The following PRSS1 variants were observed in gnomAD, a reference collection of about 807,000 sequenced individuals.
PRSS1 encodes the protein serine protease 1, also known as TCR V beta 4.1.
PRSS1 carries 22 observed loss-of-function variants against 24.2 expected under a neutral mutation model. The observed-to-expected ratio is 0.91, with a 90% CI of 0.65 to 1.30. PRSS1 has a LOEUF of 1.30. PRSS1 is among the 50% of genes most tolerant of loss of function. PRSS1 has a pLI of 0.00. For missense variants in PRSS1, 366 were observed against 304.2 expected (o/e 1.20, Z -1.51); for synonymous variants, 126 against 116.1 (o/e 1.08, Z -0.55).
In PRSS1 at chr7:142,750,978, A is replaced by G. The variant is rs377669553; in HGVS notation, c.200+264A>G. On this transcript the variant is annotated intron_variant, in intron 2 of 4. Coordinates refer to ENST00000311737, the MANE Select transcript of PRSS1 (RefSeq NM_002769.5). The stretch of plus-strand genomic sequence containing the variant: ...TTGGGGTGGTGAGAGCTAGTGAGAA[A>G]AGCAGGCAAGTATCTTTTGCTGGTT... 13 of 718,412 alleles carry G rather than the reference A, an allele frequency of 1.8e-5. No homozygotes were observed. In the East Asian group the frequency reaches 2.4e-4, roughly 13 times the overall value. 44.5% of individuals were successfully genotyped at this position (718,412 alleles called of 1,614,324 possible). A position where few individuals can be genotyped will look rare whatever the true frequency, so the allele number is the denominator to read the frequency against.
Position 142,752,063 on chromosome 7 carries a change from T to C in PRSS1, c.454+36T>C, listed in dbSNP as rs761438114. Reference sequence around the variant, plus strand: ...CCCTTAGTCCTTCTACTTCCCTCCATCCTCACAATTTCCAGAACAAACCAT... The same window carrying C: ...CCCTTAGTCCTTCTACTTCCCTCCACCCTCACAATTTCCAGAACAAACCAT... On this transcript the variant is annotated intron_variant, in intron 3 of 4. Coordinates refer to ENST00000311737, the MANE Select transcript of PRSS1 (RefSeq NM_002769.5). The C allele has an allele frequency of 4.5e-5, 73 of 1,613,612 alleles. No individual in the cohort carries two copies. In the East Asian group the frequency reaches 1.0e-3, roughly 23 times the overall value.
chr7:142,751,657 C>A lies in PRSS1; in HGVS notation c.201-117C>A. ...GCTGCCCATGCGATATGGCCACACA[C>A]CCCACCCCATGCCTCCAGAGCTGTC... On this transcript the variant is annotated intron_variant, in intron 2 of 4. Coordinates refer to ENST00000311737, the MANE Select transcript of PRSS1 (RefSeq NM_002769.5). 14 of 1,594,304 alleles carry A rather than the reference C, an allele frequency of 8.8e-6. No homozygotes were observed. The South Asian group carries it at 1.6e-4, about 18-fold the overall frequency.
rs1798831781 is a variant in PRSS1 at position 142,752,511 on chromosome 7, ATTACCAGCAACATGTTCTGTG to A, written c.537_557del (p.Ile179_Val186delinsMet). On this transcript the variant is annotated inframe_deletion, in exon 4 of 5. Coordinates refer to ENST00000311737, the MANE Select transcript of PRSS1 (RefSeq NM_002769.5). The stretch of plus-strand genomic sequence containing the variant: ...GTGTGAAGCCTCCTACCCTGGAAAG[ATTACCAGCAACATGTTCTGTG>A]TGGGCTTCCTTGAGGGAGGCAAGGA... The A allele has an allele frequency of 6.2e-7, 1 of 1,614,082 alleles. No individual in the cohort carries two copies. Among genetic ancestry groups the A allele is most frequent in the Admixed American group, 1.7e-5 (1 of 60,006 alleles).
chr7:142,752,756 G>T, intron 4 of PRSS1, 112 bp from the exon 5 acceptor site: 1 of 1,505,830 alleles, frequency 6.6e-7, no homozygotes, highest in African/African-American at 1.4e-5. Context: ...GCCACCATGA[G>T]AAGGACATGG....
At position 142,752,919 on chromosome 7, in the gene PRSS1, T is replaced by C. The variant is rs1366495669; in HGVS notation, c.643T>C (p.Ser215Pro). The change falls in exon 5 of 5, where the codon TCC becomes CCC. Residue 215 changes from serine to proline, a missense_variant. Coordinates refer to ENST00000311737, the MANE Select transcript of PRSS1 (RefSeq NM_002769.5). Reference sequence around the variant, plus strand: ...CAATGGACAGCTCCAAGGAGTTGTCTCCTGGGGTGATGGCTGTGCCCAGAA... The same window carrying C: ...CAATGGACAGCTCCAAGGAGTTGTCCCCTGGGGTGATGGCTGTGCCCAGAA... ...VCNGQLQGVV[S>P]WGDGCAQKNK... 1.9e-6 allele frequency: 3 copies of C among 1,613,984 alleles called. No individual in the cohort carries two copies. The highest frequency in any genetic ancestry group is 2.2e-5 in the East Asian group (1 of 44,888).
chr7:142,750,634 C>T lies in PRSS1; in HGVS notation c.120C>T (p.Ser40=). The stretch of plus-strand genomic sequence containing the variant: ...AGAATTCTGTCCCCTACCAGGTGTC[C>T]CTGAATTCTGGCTACCACTTCTGTG... The part of the protein sequence containing the change: ...CEENSVPYQV[S]LNSGYHFCGG... Residue 40 remains serine (S), a synonymous_variant, in exon 2 of 5, where the codon TCC becomes TCT. Transcript: ENST00000311737. 1.9e-6 allele frequency: 3 copies of T among 1,614,020 alleles called. No individual in the cohort carries two copies. The highest frequency in any genetic ancestry group is 8.5e-7 in the Non-Finnish European group (1 of 1,179,870).
intron 3 of PRSS1, 43 bp from the exon 4 acceptor site, chr7:142,752,388 A>G: frequency 6.2e-7 from 1 of 1,608,592 alleles, no homozygotes; most frequent in Non-Finnish European, 8.5e-7. Flanking sequence ...CTCTGGCCTG[A>G]CCCACATTTC....
rs377124851 is a variant in PRSS1 at position 142,752,543 on chromosome 7, T to C, written c.567T>C (p.Leu189=). 1,262 of 1,614,018 alleles carry C rather than the reference T, an allele frequency of 7.8e-4. No homozygotes were observed. In the African/African-American group the frequency reaches 0.015, roughly 19 times the overall value. ...GCAACATGTTCTGTGTGGGCTTCCT[T>C]GAGGGAGGCAAGGATTCATGTCAGG... ...ITSNMFCVGF[L]EGGKDSCQGD... Residue 189 remains leucine, a synonymous_variant, in exon 4 of 5, where the codon CTT becomes CTC. Coordinates refer to ENST00000311737, the MANE Select transcript of PRSS1 (RefSeq NM_002769.5).
intron 2 of PRSS1, chr7:142,751,046 C>G (rs1391275520): frequency 2.8e-6 from 2 of 703,338 alleles, no homozygotes; most frequent in Non-Finnish European, 5.2e-6. Context: ...TTTAAAAATA[C>G]AGATGCCTTT....
At position 142,750,710 on chromosome 7, in the gene PRSS1, A is replaced by G. The variant is rs759809930; in HGVS notation, c.196A>G (p.Lys66Glu). ...QWVVSAGHCY[K>E]SRIQVRLGEH... is the part of the protein sequence containing the mutation. ...GGTGGTATCAGCAGGCCACTGCTACAAGTCGTAAGTGTGGGGCCCCCGACT... is the reference window on the plus strand; with the variant it reads ...GGTGGTATCAGCAGGCCACTGCTACGAGTCGTAAGTGTGGGGCCCCCGACT... The change falls in exon 2 of 5, where the codon AAG (lysine) becomes GAG (glutamate). Residue 66 changes from lysine (K) to glutamate (E), a missense_variant. Transcript: ENST00000311737. 1 of 1,613,834 alleles carries G rather than the reference A, an allele frequency of 6.2e-7. No homozygotes were observed. The highest frequency in any genetic ancestry group is 8.5e-7 in the Non-Finnish European group (1 of 1,179,824).
rs756391491 is a variant in PRSS1 at position 142,750,544 on chromosome 7, C to T, written c.41-11C>T. On this transcript the variant is annotated splice_polypyrimidine_tract_variant and intron_variant, in intron 1 of 4. Transcript: ENST00000311737. ...ATTGACTTGCCTTCTCCCTTCCCAT[C>T]TCCACTCCAGTTGCTGCCCCCTTTG... The T allele has an allele frequency of 6.2e-7, 1 of 1,614,034 alleles. No individual in the cohort carries two copies. Among genetic ancestry groups the T allele is most frequent in the Admixed American group, 1.7e-5 (1 of 60,020 alleles).
In PRSS1 at chr7:142,752,981, T is replaced by C. The variant is rs1042921; in HGVS notation, c.705T>C (p.Tyr235=). 14 of 1,613,556 alleles carry C rather than the reference T, an allele frequency of 8.7e-6. No homozygotes were observed. In the Admixed American group the frequency reaches 2.2e-4, roughly 25 times the overall value. ...GAGTCTACACCAAGGTCTACAACTATGTGAAATGGATTAAGAACACCATAG... is the reference window on the plus strand; with the variant it reads ...GAGTCTACACCAAGGTCTACAACTACGTGAAATGGATTAAGAACACCATAG... The part of the protein sequence containing the change: ...KPGVYTKVYN[Y]VKWIKNTIAA... The change falls in exon 5 of 5, where the codon TAT becomes TAC. Residue 235 remains tyrosine (Y), a synonymous_variant. Transcript: ENST00000311737.
Position 142,752,935 on chromosome 7 carries a change from G to C in PRSS1, c.659G>C (p.Cys220Ser). The change falls in exon 5 of 5, where the codon TGT becomes TCT. Residue 220 changes from cysteine to serine, a missense_variant. Physicochemically the swap from Cys to Ser is moderately radical, Grantham distance 112. Transcript: ENST00000311737. Reference protein sequence around the residue: ...LQGVVSWGDGCAQKNKPGVYT... With the variant: ...LQGVVSWGDGSAQKNKPGVYT... ...GGAGTTGTCTCCTGGGGTGATGGCTGTGCCCAGAAGAACAAGCCTGGAGTC... is the reference window on the plus strand; with the variant it reads ...GGAGTTGTCTCCTGGGGTGATGGCTCTGCCCAGAAGAACAAGCCTGGAGTC... 1 of 1,613,184 alleles carries C rather than the reference G, an allele frequency of 6.2e-7. No individual in the cohort carries two copies. The highest frequency in any genetic ancestry group is 1.1e-5 in the South Asian group (1 of 91,046).
intron 4 of PRSS1, 73 bp downstream of exon 4, chr7:142,752,640 C>A: frequency 1.2e-6 from 2 of 1,610,980 alleles, no homozygotes; most frequent in South Asian, 1.1e-5. Flanking sequence ...AGGATTTGAA[C>A]TCAAAAGGTG....
Position 142,751,944 on chromosome 7 carries a change from C to T in PRSS1, c.371C>T (p.Ser124Phe), listed in dbSNP as rs1484849588. ...CGTGCAGTAATCAACGCCCGCGTGT[C>T]CACCATCTCTCTGCCCACCGCCCCT... ...SSRAVINARV[S>F]TISLPTAPPA... is the part of the protein sequence containing the mutation. The change falls in exon 3 of 5, where the codon TCC becomes TTC. Residue 124 changes from serine to phenylalanine, a missense_variant. Coordinates refer to ENST00000311737, the MANE Select transcript of PRSS1 (RefSeq NM_002769.5). The T allele has an allele frequency of 6.2e-7, 1 of 1,614,022 alleles. No homozygotes were observed. The highest frequency in any genetic ancestry group is 2.2e-5 in the East Asian group (1 of 44,876).
At chr7:142,750,142 A>C (rs1333071502) in intron 1 of PRSS1, among the ~76,000 whole-genome samples, 1 of 151,652 alleles carries the variant, frequency 6.6e-6, no homozygotes, top group African/African-American at 2.4e-5. Flanking sequence ...GGCCAGGTCT[A>C]TGCAGACAGG....
Position 142,752,413 on chromosome 7 carries a change from T to A in PRSS1, c.455-18T>A. ...ACCCACATTTCTACTTCCTTTGATC[T>A]CTTCCTGATCCTCACAGCCGACTAC... is the stretch of plus-strand genomic sequence containing the variant. On this transcript the variant is annotated intron_variant, in intron 3 of 4. Transcript: ENST00000311737. The A allele has an allele frequency of 6.2e-7, 1 of 1,613,604 alleles. No homozygotes were observed. The highest frequency in any genetic ancestry group is 8.5e-7 in the Non-Finnish European group (1 of 1,179,522).
Position 142,750,546 on chromosome 7 carries a change from C to G in PRSS1, c.41-9C>G, listed in dbSNP as rs1268009079. 3 of 1,613,912 alleles carry G rather than the reference C, an allele frequency of 1.9e-6. No individual in the cohort carries two copies. The highest frequency in any genetic ancestry group is 2.5e-6 in the Non-Finnish European group (3 of 1,179,876). ...TGACTTGCCTTCTCCCTTCCCATCT[C>G]CACTCCAGTTGCTGCCCCCTTTGAT... On this transcript the variant is annotated splice_polypyrimidine_tract_variant and intron_variant, in intron 1 of 4. Coordinates refer to ENST00000311737, the MANE Select transcript of PRSS1 (RefSeq NM_002769.5).
At chr7:142,752,144 T>C in intron 3 of PRSS1, 117 bp downstream of exon 3, 1 of 1,497,166 alleles carries the variant, frequency 6.7e-7, no homozygotes, top group Non-Finnish European at 9.2e-7. Flanking sequence ...CGAGTGCCCA[T>C]TACACACAGA....
Sources: gnomAD v4.1 joint callset for allele counts (sites outside exome capture counted in the v4.1 genomes callset) on GRCh38, gnomAD v4.1.1 for gene constraint, MANE v1.5 for transcripts, NCBI Gene and HGNC (gene_info 2026-07-23, HGNC 2026-07-21) for gene names.